ADGRV1: variants seen among roughly 807,000 people sequenced by gnomAD.
The protein encoded by ADGRV1 is G-protein coupled receptor 98.
ADGRV1 carries 359 observed loss-of-function variants against 596.2 expected under a neutral mutation model. The observed-to-expected ratio is 0.60, with a 90% CI of 0.55 to 0.66. The LOEUF (loss-of-function observed/expected upper bound fraction) is 0.66. ADGRV1 is among the 30% of genes least tolerant of loss of function. ADGRV1 has a pLI of 0.00. For synonymous variants in ADGRV1, 2,681 were observed against 2,679.2 expected, an observed-to-expected ratio of 1.00 and a Z score of -0.02; for missense variants, 7,274 against 7,575.6, an observed-to-expected ratio of 0.96 and a Z score of 1.48.
chr5:90,816,632 G>A (rs1762925427), intron 75 of ADGRV1, among the ~76,000 whole-genome samples: 1 of 144,864 alleles, frequency 6.9e-6, no homozygotes, highest in Admixed American at 7.4e-5. Context: ...TCATTGTTCA[G>A]TTCCCACCTA....
At chr5:90,747,782 G>A (rs1754788372) in intron 52 of ADGRV1, among the ~76,000 whole-genome samples, 1 of 152,150 alleles carries the variant, frequency 6.6e-6, no homozygotes, top group South Asian at 2.1e-4. Context: ...AGAATGGTGG[G>A]AACTCTCCTG....
At chr5:91,149,029 C>A (rs1484392388) in intron 87 of ADGRV1, among the ~76,000 whole-genome samples, 4 of 152,192 alleles carry the variant, frequency 2.6e-5, no homozygotes, top group Non-Finnish European at 5.9e-5. Flanking sequence ...ATGTCTGTAT[C>A]CCCATCATAT....
intron 83 of ADGRV1, among the ~76,000 whole-genome samples, chr5:90,882,663 C>A (rs778060089): frequency 1.3e-5 from 2 of 152,118 alleles, no homozygotes; most frequent in Non-Finnish European, 2.9e-5. Context: ...GAATAAAGTG[C>A]TGAGTTTGCA....
At position 90,829,129 on chromosome 5, in the gene ADGRV1, G is replaced by A. The variant is rs770935081; in HGVS notation, c.16554G>A (p.Leu5518=). The A allele has an allele frequency of 1.9e-6, 3 of 1,605,440 alleles. No individual in the cohort carries two copies. Among genetic ancestry groups the A allele is most frequent in the African/African-American group, 2.7e-5 (2 of 74,768 alleles). The change falls in exon 77 of 90, where the codon CTG becomes CTA. Residue 5518 remains leucine (L), a synonymous_variant. Transcript: ENST00000405460. ...VAHKKATLIS[L]QVARDSGTGL... Reference sequence around the variant, plus strand: ...ACAAGAAGGCCACTTTAATCAGTCTGCAGGTGGCCAGAGATTCTGGGACAG... The same window carrying A: ...ACAAGAAGGCCACTTTAATCAGTCTACAGGTGGCCAGAGATTCTGGGACAG...
At chr5:91,014,909 T>C (rs1783053046) in intron 85 of ADGRV1, among the ~76,000 whole-genome samples, 1 of 152,032 alleles carries the variant, frequency 6.6e-6, no homozygotes, top group South Asian at 2.1e-4. Context: ...GGTTGTTTCT[T>C]GTCTTCTGCT....
At chr5:90,686,281 G>C (rs2149597554) in intron 29 of ADGRV1, among the ~76,000 whole-genome samples, 1 of 151,752 alleles carries the variant, frequency 6.6e-6, no homozygotes, top group South Asian at 2.1e-4. Flanking sequence ...AGTTACATAT[G>C]TATACATGTG....
chr5:90,698,025 A>G (rs1294593380), intron 34 of ADGRV1, among the ~76,000 whole-genome samples: 1 of 152,182 alleles, frequency 6.6e-6, no homozygotes, highest in African/African-American at 2.4e-5. Context: ...ATTTTACTGT[A>G]TTACCTTTTC....
At chr5:90,966,527 T>TG (rs1778478243) in intron 84 of ADGRV1, among the ~76,000 whole-genome samples, 1 of 59,140 alleles carries the variant, frequency 1.7e-5, no homozygotes, top group African/African-American at 6.3e-5. Context: ...AGCGAAACTC[T>TG]GCCAAAAAAA....
intron 82 of ADGRV1, among the ~76,000 whole-genome samples, chr5:90,860,388 C>T (rs943177544): frequency 6.6e-6 from 1 of 152,002 alleles, no homozygotes; most frequent in Non-Finnish European, 1.5e-5. Flanking sequence ...GTAACCTCCA[C>T]CTCCAGGGTT....
At chr5:90,650,240 C>T (rs948184671) in intron 17 of ADGRV1, among the ~76,000 whole-genome samples, 6 of 152,150 alleles carry the variant, frequency 3.9e-5, no homozygotes, top group Admixed American at 3.9e-4. Context: ...TATGGCCATC[C>T]TTCAAGCCCT....
In ADGRV1 at chr5:90,694,542, G is replaced by A; in HGVS notation, c.7786G>A (p.Val2596Ile). 1 of 1,613,874 alleles carries A rather than the reference G, an allele frequency of 6.2e-7. No individual in the cohort carries two copies. The highest frequency in any genetic ancestry group is 8.5e-7 in the Non-Finnish European group (1 of 1,179,812). Residue 2596 changes from valine (V) to isoleucine (I), a missense_variant, in exon 33 of 90, where the codon GTT becomes ATT. Physicochemically the swap from Val to Ile is conservative, Grantham distance 29 (BLOSUM62 3). Coordinates refer to ENST00000405460, the MANE Select transcript of ADGRV1 (RefSeq NM_032119.4). ...CAATACTTCCGAAGATGGCTTATTT[G>A]TTGAAGTTCAGGAGCAGCCCCAAAC... ...SPNTSEDGLF[V>I]EVQEQPQTLV...
chr5:91,076,373 GTTGGTGGATTTCC>G (rs925408459), intron 86 of ADGRV1, among the ~76,000 whole-genome samples: 2 of 152,118 alleles, frequency 1.3e-5, no homozygotes, highest in Non-Finnish European at 2.9e-5. Context: ...GGTGTGTGTG[GTTGGTGGATTTCC>G]TTAATAAATT....
At position 90,989,090 on chromosome 5, in the gene ADGRV1, A is replaced by G. The variant is rs549760239; in HGVS notation, c.18152+3568A>G. 2.2e-3 allele frequency among the ~76,000 whole-genome samples: 337 copies of G among 152,088 alleles called. 2 individuals carry two copies. The highest frequency in any genetic ancestry group is 7.6e-3 in the African/African-American group (316 of 41,472). ...AGTCTTTGCTATTGTGAATAGTGCC[A>G]CAGTAAACATACGTGTGCATGTGTC... On this transcript the variant is annotated intron_variant, in intron 85 of 89. Transcript: ENST00000405460.
intron 83 of ADGRV1, among the ~76,000 whole-genome samples, chr5:90,938,975 G>A (rs28597697): frequency 6.6e-6 from 1 of 151,942 alleles, no homozygotes; most frequent in African/African-American, 2.4e-5. Context: ...CTCTATTTTC[G>A]ATAGTAAATC....
At chr5:90,818,405 T>C (rs1216504032) in intron 75 of ADGRV1, among the ~76,000 whole-genome samples, 1 of 150,012 alleles carries the variant, frequency 6.7e-6, no homozygotes, top group Non-Finnish European at 1.5e-5. Context: ...ATACCCTTTA[T>C]TTCCTTCTCC....
intron 74 of ADGRV1, among the ~76,000 whole-genome samples, chr5:90,811,605 A>G (rs1397482044): frequency 6.6e-6 from 1 of 152,168 alleles, no homozygotes; most frequent in Non-Finnish European, 1.5e-5. Flanking sequence ...CACAATATAA[A>G]TAACGTTTAA....
chr5:91,014,767 T>A (rs997310859), intron 85 of ADGRV1, among the ~76,000 whole-genome samples: 1 of 151,994 alleles, frequency 6.6e-6, no homozygotes, highest in Non-Finnish European at 1.5e-5. Context: ...TAATTGTGTT[T>A]ATTTGGATCT....
rs80335659 is a variant in ADGRV1 at position 91,163,778 on chromosome 5, G to T, written c.18803-4G>T. ...TTTTTGTGTTCATTCTATTTCTGTGGCAGGTGCTGGTCTCAGTGTCAGTGA... is the reference window on the plus strand; with the variant it reads ...TTTTTGTGTTCATTCTATTTCTGTGTCAGGTGCTGGTCTCAGTGTCAGTGA... On this transcript the variant is annotated splice_region_variant and splice_polypyrimidine_tract_variant and intron_variant, in intron 89 of 89. Transcript: ENST00000405460. 482 of 1,359,682 alleles carry T rather than the reference G, an allele frequency of 3.5e-4. 6 individuals are homozygous for T. In the East Asian group the frequency reaches 0.011, roughly 32 times the overall value. The allele number at this position is 1,359,682 out of a possible 1,614,324, so 84.2% of individuals were successfully genotyped here. A position where few individuals can be genotyped will look rare whatever the true frequency, so the allele number is the denominator to read the frequency against.
chr5:90,885,931 T>C (rs929492074), intron 83 of ADGRV1, among the ~76,000 whole-genome samples: 4 of 151,984 alleles, frequency 2.6e-5, no homozygotes, highest in Non-Finnish European at 4.4e-5. Context: ...GTGATGTTGC[T>C]CATTACCCAC....
Sources: allele counts gnomAD v4.1 joint callset (sites outside exome capture counted in the v4.1 genomes callset), GRCh38; gene constraint gnomAD v4.1.1; transcripts MANE v1.5; gene names NCBI Gene and HGNC (gene_info 2026-07-23, HGNC 2026-07-21).